Variants in EPB41L1 observed in about 807,000 individuals in gnomAD.
The protein encoded by EPB41L1 is erythrocyte membrane protein band 4.1 like 1.
A neutral mutation model predicts 97.8 loss-of-function variants in EPB41L1; 29 were observed. That is an observed-to-expected ratio of 0.30 (90% confidence interval 0.22 to 0.40). EPB41L1 has a LOEUF of 0.40. EPB41L1 is among the 10% of genes least tolerant of loss of function. The pLI is 1.00. For missense variants in EPB41L1, 812 were observed against 1,162.3 expected, an observed-to-expected ratio of 0.70 and a Z score of 4.38; for synonymous variants, 383 against 459.2, an observed-to-expected ratio of 0.83 and a Z score of 2.12.
At chr20:36,095,297 A>G (rs1289110915) in intron 1 of EPB41L1, among the ~76,000 whole-genome samples, 2 of 152,090 alleles carry the variant, frequency 1.3e-5, no homozygotes, top group Non-Finnish European at 2.9e-5. Flanking sequence ...TAGTAGAGAC[A>G]GGGTTTCACC....
chr20:36,155,205 C>T (rs1350069499), intron 1 of EPB41L1: 5 of 456,266 alleles, frequency 1.1e-5, no homozygotes, highest in Admixed American at 9.4e-5. Context: ...AGCACTCCTG[C>T]TGCCGCCTCC....
At chr20:36,172,460 G>GT (rs1468123968) in intron 1 of EPB41L1, among the ~76,000 whole-genome samples, 1 of 152,186 alleles carries the variant, frequency 6.6e-6, no homozygotes, top group African/African-American at 2.4e-5. Context: ...ATGTCACCCA[G>GT]TTCCCAGGGA....
chr20:36,207,354 T>C lies in EPB41L1; in HGVS notation c.1669-2134T>C. 1 of 1,288,522 alleles carries C rather than the reference T, an allele frequency of 7.8e-7. No individual in the cohort carries two copies. The highest frequency in any genetic ancestry group is 1.0e-6 in the Non-Finnish European group (1 of 988,022). 79.8% of individuals were successfully genotyped at this position (1,288,522 alleles called of 1,614,324 possible). Reference sequence around the variant, plus strand: ...CTGAGGGGCGCATACCTCTGGGGTTTGGGTTCCCTTCAGGGAAGCGAAGGG... The same window carrying C: ...CTGAGGGGCGCATACCTCTGGGGTTCGGGTTCCCTTCAGGGAAGCGAAGGG... On this transcript the variant is annotated intron_variant, in intron 14 of 21. Coordinates refer to ENST00000338074, the MANE Select transcript of EPB41L1 (RefSeq NM_012156.2). This position sits in a 1 kb window ranked among gnomAD's most constrained non-coding sequence, Gnocchi z 4.9.
chr20:36,196,237 C>A (rs952109360), intron 13 of EPB41L1, among the ~76,000 whole-genome samples: 4 of 152,202 alleles, frequency 2.6e-5, no homozygotes, highest in Non-Finnish European at 4.4e-5. Flanking sequence ...GGAAATTCCC[C>A]TCAGGCCCCA....
intron 17 of EPB41L1, among the ~76,000 whole-genome samples, chr20:36,217,891 C>T (rs1202305528): frequency 6.6e-6 from 1 of 152,136 alleles, no homozygotes; most frequent in Non-Finnish European, 1.5e-5. Flanking sequence ...GGACCAGAAT[C>T]AGAGGTCAGG....
At chr20:36,205,407 G>A (rs1006014498) in intron 14 of EPB41L1, among the ~76,000 whole-genome samples, 5 of 152,168 alleles carry the variant, frequency 3.3e-5, no homozygotes, top group Non-Finnish European at 5.9e-5. Context: ...ACACAATATG[G>A]AAATGAGACT....
chr20:36,171,932 C>G (rs1239407964), intron 1 of EPB41L1, among the ~76,000 whole-genome samples: 6 of 152,104 alleles, frequency 3.9e-5, no homozygotes, highest in African/African-American at 1.4e-4. Flanking sequence ...GCTCATTTCT[C>G]TATTTCCCTG....
chr20:36,101,783 T>C (rs1295498949), intron 1 of EPB41L1, among the ~76,000 whole-genome samples: 1 of 151,932 alleles, frequency 6.6e-6, no homozygotes, highest in Admixed American at 6.6e-5. Context: ...CTGAGGCAGG[T>C]GGATCACCTG....
At chr20:36,175,750 C>T (rs759257401) in intron 3 of EPB41L1, 35 bp downstream of exon 3, 22 of 1,612,070 alleles carry the variant, frequency 1.4e-5, no homozygotes, top group South Asian at 2.2e-5. Flanking sequence ...GTCCCGTCCC[C>T]GGTCAGCCAG....
chr20:36,120,150 A>C (rs1349859441), intron 2 of EPB41L1, among the ~76,000 whole-genome samples: 2 of 152,092 alleles, frequency 1.3e-5, no homozygotes, highest in African/African-American at 4.8e-5. Context: ...CCAAGCCCCT[A>C]CTCTAAGCCA....
intron 1 of EPB41L1, among the ~76,000 whole-genome samples, chr20:36,094,890 C>T (rs2057779083): frequency 6.6e-6 from 1 of 152,072 alleles, no homozygotes; most frequent in South Asian, 2.1e-4. Flanking sequence ...CAGCCTCCGC[C>T]TCCTGGGTTC....
At chr20:36,214,778 T>C (rs1390072995) in intron 17 of EPB41L1, among the ~76,000 whole-genome samples, 1 of 152,044 alleles carries the variant, frequency 6.6e-6, no homozygotes, top group Admixed American at 6.6e-5. Context: ...TTTCATTGGC[T>C]CATCTCACCT....
Position 36,194,295 on chromosome 20 carries a change from G to A in EPB41L1, c.1384G>A (p.Gly462Arg), listed in dbSNP as rs141329083. The change falls in exon 12 of 22, where the codon GGG becomes AGG. Residue 462 changes from glycine (G) to arginine (R), a missense_variant. Gly to Arg is a moderately radical substitution (Grantham distance 125). Around this residue, in one of 3 missense-constraint regions of EPB41L1, gnomAD observed 498 missense variants for 622.7 expected, o/e 0.80. Coordinates refer to ENST00000338074, the MANE Select transcript of EPB41L1 (RefSeq NM_012156.2). ...GDKRDEDGES[G>R]GQRSEAEEGE... is the part of the protein sequence containing the mutation. Reference sequence around the variant, plus strand: ...CAAGCGGGATGAGGATGGCGAGTCTGGGGGGCAACGGTCAGAGGCTGAGGA... The same window carrying A: ...CAAGCGGGATGAGGATGGCGAGTCTAGGGGGCAACGGTCAGAGGCTGAGGA... 5 of 1,614,030 alleles carry A rather than the reference G, an allele frequency of 3.1e-6. No homozygotes were observed. The African/African-American group carries it at 6.7e-5, about 22-fold the overall frequency.
chr20:36,127,507 C>A (rs574284578), intron 2 of EPB41L1, among the ~76,000 whole-genome samples: 7 of 152,112 alleles, frequency 4.6e-5, no homozygotes, highest in African/African-American at 1.7e-4. Flanking sequence ...TGCTGGATCC[C>A]CTTGCTCATT....
In EPB41L1 at chr20:36,164,160, A is replaced by G. The variant is rs368733859; in HGVS notation, c.-15+9264A>G. ...TGCCCGGCCCCTGCCAGTGTCTTCT[A>G]TTGGCCAAATGGAACCAGAAACCAG... On this transcript the variant is annotated intron_variant, in intron 1 of 21. Transcript: ENST00000338074. Among the ~76,000 whole-genome samples, 172 of 152,160 alleles carry G rather than the reference A, an allele frequency of 1.1e-3. 1 individual carries two copies. Among genetic ancestry groups the G allele is most frequent in the African/African-American group, 4.0e-3 (165 of 41,518 alleles).
In EPB41L1 at chr20:36,197,878, A is replaced by G. The variant is rs1358720103; in HGVS notation, c.1505A>G (p.Asp502Gly). ...HKQEFLDKPE[D>G]VLLKHQASIN... ...CCCTAGTTCTTAGACAAGCCAGAAGATGTCTTGCTGAAGCACCAGGCCAGC... is the reference window on the plus strand; with the variant it reads ...CCCTAGTTCTTAGACAAGCCAGAAGGTGTCTTGCTGAAGCACCAGGCCAGC... The change falls in exon 14 of 22, where the codon GAT becomes GGT. Residue 502 changes from aspartate (D) to glycine (G), a missense_variant. Physicochemically the swap from Asp to Gly is moderately conservative, Grantham distance 94. Transcript: ENST00000338074. The G allele has an allele frequency of 6.2e-7, 1 of 1,614,078 alleles. No individual in the cohort carries two copies. The highest frequency in any genetic ancestry group is 8.5e-7 in the Non-Finnish European group (1 of 1,180,014).
Position 36,175,737 on chromosome 20 carries a change from T to C in EPB41L1, c.342+22T>C, listed in dbSNP as rs1173504410. The C allele has an allele frequency of 1.2e-6, 2 of 1,613,490 alleles. 1 individual carries two copies. Among genetic ancestry groups the C allele is most frequent in the South Asian group, 2.2e-5 (2 of 91,044 alleles). On this transcript the variant is annotated intron_variant, in intron 3 of 21. Transcript: ENST00000338074. ...GGAGGTAGGGGAGCACTGAGTGCCATATGTCCCGTCCCCGGTCAGCCAGCC... is the reference window on the plus strand; with the variant it reads ...GGAGGTAGGGGAGCACTGAGTGCCACATGTCCCGTCCCCGGTCAGCCAGCC...
At chr20:36,129,947 G>GTTT (rs1338546780) in intron 2 of EPB41L1, among the ~76,000 whole-genome samples, 1 of 127,806 alleles carries the variant, frequency 7.8e-6, no homozygotes, top group Non-Finnish European at 1.6e-5. Flanking sequence ...TTTTTTTTTT[G>GTTT]TTTTTTTTTT....
In EPB41L1 at chr20:36,212,700, T is replaced by C. The variant is rs2063204527; in HGVS notation, c.2184+324T>C. On this transcript the variant is annotated intron_variant, in intron 16 of 21. Coordinates refer to ENST00000338074, the MANE Select transcript of EPB41L1 (RefSeq NM_012156.2). This position sits in a 1 kb window ranked among gnomAD's most constrained non-coding sequence, Gnocchi z 4.8. ...ACTGACTAGTGGATTGGGACCTTGG[T>C]GTTCACATTGCTTGGAGGAGTTGGA... Among the ~76,000 whole-genome samples the C allele has an allele frequency of 1.3e-5, 2 of 152,208 alleles. 1 individual carries two copies. Among genetic ancestry groups the C allele is most frequent in the South Asian group, 4.1e-4 (2 of 4,830 alleles).
Sources: gnomAD v4.1 joint callset for allele counts (sites outside exome capture counted in the v4.1 genomes callset) on GRCh38, gnomAD v4.1.1 for gene constraint, gnomAD v4.1.1 regional missense constraint, Gnocchi (gnomAD v3.1) non-coding constraint, MANE v1.5 for transcripts, NCBI Gene and HGNC (gene_info 2026-07-23, HGNC 2026-07-21) for gene names.